Variants in ANO4 observed in about 807,000 individuals in gnomAD.
ANO4 encodes anoctamin-4.
Under a neutral mutation model 141.9 loss-of-function variants are expected in ANO4, and 69 were observed. The observed-to-expected ratio is 0.49, with a 90% CI of 0.40 to 0.59. ANO4 has a LOEUF of 0.59. Ranked by LOEUF, ANO4 falls within the 20% of genes least tolerant of loss-of-function variation. ANO4 has a pLI of 0.00. For synonymous variants in ANO4, 350 were observed against 394.3 expected, an observed-to-expected ratio of 0.89 and a Z score of 1.33; for missense variants, 894 against 1,162.2, an observed-to-expected ratio of 0.77 and a Z score of 3.36.
At chr12:101,022,770 C>T (rs548564044) in intron 9 of ANO4, among the ~76,000 whole-genome samples, 17 of 152,164 alleles carry the variant, frequency 1.1e-4, no homozygotes, top group Admixed American at 9.8e-4. Context: ...GACGGAGTCT[C>T]GGACTGTCAC....
chr12:100,963,842 G>A (rs1386459782), intron 5 of ANO4, among the ~76,000 whole-genome samples: 1 of 152,048 alleles, frequency 6.6e-6, no homozygotes, highest in Non-Finnish European at 1.5e-5. Context: ...CAGCTATTGG[G>A]GGTTACCCAA....
chr12:100,787,970 A>G (rs764947279), intron 3 of ANO4, among the ~76,000 whole-genome samples: 71 of 152,212 alleles, frequency 4.7e-4, no homozygotes, highest in Admixed American at 1.6e-3. Flanking sequence ...TCATATGCCT[A>G]TTTGGTAGAT....
intron 1 of ANO4, chr12:100,885,411 GTTC>G (rs2039780065): frequency 6.6e-6 from 1 of 152,188 alleles, no homozygotes; most frequent in South Asian, 2.1e-4. Flanking sequence ...TTTAAACCTT[GTTC>G]TTCTCAGTTC....
At chr12:101,035,839 T>C (rs2047170768) in intron 9 of ANO4, among the ~76,000 whole-genome samples, 2 of 152,104 alleles carry the variant, frequency 1.3e-5, no homozygotes, top group South Asian at 4.2e-4. Context: ...CAGGAGACAC[T>C]GGGGCCTACT....
intron 1 of ANO4, among the ~76,000 whole-genome samples, chr12:100,870,026 A>C (rs1017709564): frequency 3.3e-5 from 5 of 152,198 alleles, no homozygotes; most frequent in Admixed American, 6.5e-5. Flanking sequence ...CTAATCCTGG[A>C]ATCCCACTTC....
intron 3 of ANO4, among the ~76,000 whole-genome samples, chr12:100,757,555 T>C (rs1166464879): frequency 1.3e-5 from 2 of 152,202 alleles, no homozygotes; most frequent in Admixed American, 6.5e-5. Context: ...TACCATGAAC[T>C]TGACTTTATG....
At chr12:101,025,698 A>G (rs2046705842) in intron 9 of ANO4, among the ~76,000 whole-genome samples, 1 of 152,260 alleles carries the variant, frequency 6.6e-6, no homozygotes. Context: ...TAGCAAATAA[A>G]GTTTAACAAT....
intron 1 of ANO4, among the ~76,000 whole-genome samples, chr12:100,881,693 G>A (rs916796700): frequency 6.6e-6 from 1 of 152,184 alleles, no homozygotes; most frequent in East Asian, 1.9e-4. Context: ...TGGAGCAGAC[G>A]ATCAGTGAGC....
intron 3 of ANO4, among the ~76,000 whole-genome samples, chr12:100,785,871 A>G (rs980565963): frequency 4.6e-5 from 7 of 152,178 alleles, no homozygotes; most frequent in Admixed American, 1.3e-4. Context: ...AGCAATGCAG[A>G]TTTAGGAGGT....
chr12:100,966,403 A>G (rs1456510362), intron 5 of ANO4, among the ~76,000 whole-genome samples: 1 of 152,224 alleles, frequency 6.6e-6, no homozygotes, highest in African/African-American at 2.4e-5. Context: ...GGTAAGAGGT[A>G]GATAAATGAA....
intron 9 of ANO4, among the ~76,000 whole-genome samples, chr12:101,035,978 C>T (rs1013927275): frequency 3.3e-5 from 5 of 151,422 alleles, no homozygotes; most frequent in Non-Finnish European, 7.4e-5. Context: ...CAAACCTGCA[C>T]GTGTACTCCC....
In ANO4 at chr12:101,099,034, G is replaced by A. The variant is rs899436291; in HGVS notation, c.2007-544G>A. Among the ~76,000 whole-genome samples the A allele has an allele frequency of 2.0e-5, 3 of 152,086 alleles. No individual in the cohort carries two copies. In the South Asian group the frequency reaches 6.2e-4, roughly 32 times the overall value. Reference sequence around the variant, plus strand: ...TTCCTGTGCTAACCTTACCAATGCCGGGTGCATTTTACTGGGAGTCAGAGT... The same window carrying A: ...TTCCTGTGCTAACCTTACCAATGCCAGGTGCATTTTACTGGGAGTCAGAGT... On this transcript the variant is annotated intron_variant, in intron 21 of 27. Transcript: ENST00000392977.
At chr12:100,717,355 C>A (rs2030640606), upstream of ANO4, among the ~76,000 whole-genome samples, 1 of 151,468 alleles carries the variant, frequency 6.6e-6, no homozygotes, top group African/African-American at 2.4e-5. Flanking sequence ...CGCGCGCCGG[C>A]AGCTCTAGGG....
At chr12:101,028,259 CAG>C (rs1340527069) in intron 9 of ANO4, among the ~76,000 whole-genome samples, 1 of 152,110 alleles carries the variant, frequency 6.6e-6, no homozygotes, top group African/African-American at 2.4e-5. Context: ...CCCAAAAGGA[CAG>C]AGTTTCTCTT....
chr12:100,957,705 C>T (rs1400581170), intron 5 of ANO4, among the ~76,000 whole-genome samples: 1 of 152,228 alleles, frequency 6.6e-6, no homozygotes, highest in Non-Finnish European at 1.5e-5. Context: ...ATTCTCACAC[C>T]TCAGCCTCCT....
intron 1 of ANO4, among the ~76,000 whole-genome samples, chr12:100,807,930 A>G (rs999400187): frequency 2.0e-5 from 3 of 152,208 alleles, no homozygotes; most frequent in East Asian, 1.9e-4. Context: ...ATTCCACGGT[A>G]TATATGTACC....
intron 5 of ANO4, among the ~76,000 whole-genome samples, chr12:100,970,659 CCCTCTCCTTCCT>C (rs1325652754): frequency 1.9e-4 from 22 of 113,632 alleles, no homozygotes; most frequent in Admixed American, 2.0e-4. Flanking sequence ...CTCCCTCCCT[CCCTCTCCTTCCT>C]TCCTTCCTTC....
intron 22 of ANO4, among the ~76,000 whole-genome samples, chr12:101,104,302 A>C (rs535552862): frequency 7.3e-5 from 11 of 151,352 alleles, no homozygotes; most frequent in African/African-American, 2.7e-4. Context: ...TCAGCATCTC[A>C]AGATGCTGAT....
At chr12:100,792,146 C>G (rs545456032), upstream of ANO4, among the ~76,000 whole-genome samples, 1 of 152,014 alleles carries the variant, frequency 6.6e-6, no homozygotes, top group Admixed American at 6.6e-5. Context: ...AACCCACTTC[C>G]CATGAACTGT....
Sources: allele counts gnomAD v4.1 joint callset (sites outside exome capture counted in the v4.1 genomes callset), GRCh38; gene constraint gnomAD v4.1.1; transcripts MANE v1.5; gene names NCBI Gene and HGNC (gene_info 2026-07-23, HGNC 2026-07-21).